Variants in FDFT1 observed in about 807,000 individuals in gnomAD.
FDFT1 encodes squalene synthase.
FDFT1 carries 68 observed loss-of-function variants against 46.8 expected under a neutral mutation model. The observed-to-expected ratio is 1.45, with a 90% CI of 1.19 to 1.78. FDFT1 has a LOEUF of 1.78. Ranked by LOEUF, FDFT1 falls within the 40% of genes most tolerant of loss-of-function variation. FDFT1 has a pLI of 0.00. For missense variants in FDFT1, 928 were observed against 524.4 expected (o/e 1.77, Z -7.52); for synonymous variants, 351 against 185.1 (o/e 1.90, Z -7.28).
chr8:11,838,321 T>G (rs1294418155), intron 7 of FDFT1, 67 bp from the exon 8 acceptor site: 6 of 1,216,380 alleles, frequency 4.9e-6, no homozygotes, highest in South Asian at 2.5e-5. Flanking sequence ...AGTGGAGGGT[T>G]GTTGTAAGTA....
intron 5 of FDFT1, among the ~76,000 whole-genome samples, chr8:11,826,560 T>C (rs1378068167): frequency 6.6e-6 from 1 of 152,190 alleles, no homozygotes; most frequent in Non-Finnish European, 1.5e-5. Context: ...ATGCCTGTAA[T>C]CCCAACAGTT....
At chr8:11,820,954 C>A (rs1023030917) in intron 3 of FDFT1, among the ~76,000 whole-genome samples, 3 of 152,238 alleles carry the variant, frequency 2.0e-5, no homozygotes, top group African/African-American at 7.2e-5. Flanking sequence ...CTGCATCGAT[C>A]TTGCTGGGAG....
chr8:11,805,038 C>T (rs996501661), intron 1 of FDFT1, among the ~76,000 whole-genome samples: 2 of 151,694 alleles, frequency 1.3e-5, no homozygotes, highest in Non-Finnish European at 1.5e-5. Context: ...CTTCCTGATC[C>T]CGAGTAGCTG....
Position 11,818,990 on chromosome 8 carries a change from C to G in FDFT1, c.382-2760C>G, listed in dbSNP as rs944301782. 5.9e-5 allele frequency among the ~76,000 whole-genome samples: 9 copies of G among 152,282 alleles called. 1 individual carries two copies. The Middle Eastern group carries it at 0.01, about 173-fold the overall frequency. ...TGGCATGTTTTTGCAGTGGCTGGTACCAGTTGTTCCTTTCCATTTTTACTG... is the reference window on the plus strand; with the variant it reads ...TGGCATGTTTTTGCAGTGGCTGGTAGCAGTTGTTCCTTTCCATTTTTACTG... On this transcript the variant is annotated intron_variant, in intron 3 of 7. Coordinates refer to ENST00000220584, the MANE Select transcript of FDFT1 (RefSeq NM_004462.5).
chr8:11,831,859 T>A, intron 7 of FDFT1, 189 bp downstream of exon 7: 2 of 570,556 alleles, frequency 3.5e-6, no homozygotes, highest in Non-Finnish European at 6.2e-6. Context: ...TGCTCACTGC[T>A]GTGTAGTACC....
At chr8:11,822,351 G>A (rs1325106733) in intron 4 of FDFT1, among the ~76,000 whole-genome samples, 2 of 152,194 alleles carry the variant, frequency 1.3e-5, no homozygotes, top group East Asian at 1.9e-4. Context: ...GCTTAAATTA[G>A]GATCTCCGAA....
chr8:11,828,642 C>G (rs1156246819), intron 5 of FDFT1, among the ~76,000 whole-genome samples: 1 of 152,258 alleles, frequency 6.6e-6, no homozygotes, highest in East Asian at 1.9e-4. Flanking sequence ...CATTCACTTA[C>G]TTTATCTGTA....
At chr8:11,802,338 G>C (rs948146004), upstream of FDFT1, 2 of 417,426 alleles carry the variant, frequency 4.8e-6, no homozygotes, top group Non-Finnish European at 9.6e-6. Flanking sequence ...TATTGACCAA[G>C]TGGGGAGGAA....
At chr8:11,824,544 C>A (rs1809698778) in intron 4 of FDFT1, among the ~76,000 whole-genome samples, 1 of 152,156 alleles carries the variant, frequency 6.6e-6, no homozygotes, top group Non-Finnish European at 1.5e-5. Flanking sequence ...CCTCCTACTT[C>A]AGCCCCCTGA....
chr8:11,796,290 C>G (rs910857498), intron 1 of FDFT1, among the ~76,000 whole-genome samples: 2 of 152,178 alleles, frequency 1.3e-5, no homozygotes, highest in Non-Finnish European at 2.9e-5. Flanking sequence ...CTTTCTAGGA[C>G]TGATCTGATT....
intron 3 of FDFT1, among the ~76,000 whole-genome samples, chr8:11,816,475 C>T (rs563096524): frequency 5.3e-5 from 8 of 152,294 alleles, no homozygotes; most frequent in African/African-American, 1.4e-4. Flanking sequence ...GCCATTTTCA[C>T]GATACTGATT....
chr8:11,809,589 G>A (rs924738495), intron 2 of FDFT1, 78 bp from the exon 3 acceptor site: 380 of 1,426,338 alleles, frequency 2.7e-4, no homozygotes, highest in Non-Finnish European at 3.4e-4. Context: ...TTAGAAAGTG[G>A]CCAGGCACAA....
chr8:11,833,910 C>CT (rs1165980426), intron 7 of FDFT1, among the ~76,000 whole-genome samples: 1 of 152,210 alleles, frequency 6.6e-6, no homozygotes, highest in African/African-American at 2.4e-5. Context: ...TTAGGGAAAT[C>CT]TTTGAAGATT....
Position 11,808,654 on chromosome 8 carries a change from C to T in FDFT1, c.100-140C>T, listed in dbSNP as rs531576899. ...TGCTGCTTGCCTCCTGCCGCCTGGC[C>T]CTGCAAGGACTGGCCTCGGGGAGAG... On this transcript the variant is annotated intron_variant, in intron 1 of 7. Coordinates refer to ENST00000220584, the MANE Select transcript of FDFT1 (RefSeq NM_004462.5). 5.6e-6 allele frequency: 8 copies of T among 1,431,650 alleles called. No individual in the cohort carries two copies. The East Asian group carries it at 7.9e-5, about 14-fold the overall frequency. The allele number at this position is 1,431,650 out of a possible 1,614,324, so 88.7% of individuals were successfully genotyped here.
At chr8:11,799,475 T>A (rs1251688552), upstream of FDFT1, among the ~76,000 whole-genome samples, 1 of 152,206 alleles carries the variant, frequency 6.6e-6, no homozygotes, top group Non-Finnish European at 1.5e-5. Flanking sequence ...TGGCCTTAGG[T>A]CCTGTTTATA....
At chr8:11,827,155 C>G (rs1177730498) in intron 5 of FDFT1, among the ~76,000 whole-genome samples, 1 of 152,006 alleles carries the variant, frequency 6.6e-6, no homozygotes, top group Non-Finnish European at 1.5e-5. Context: ...AAAGTGTTTC[C>G]TGCAGCCAAG....
intron 7 of FDFT1, among the ~76,000 whole-genome samples, chr8:11,834,578 C>T (rs572808635): frequency 6.6e-6 from 1 of 151,644 alleles, no homozygotes; most frequent in East Asian, 2.1e-4. Flanking sequence ...TTAAGACATC[C>T]AGCCCCCACC....
chr8:11,831,124 T>C (rs1274171171), intron 6 of FDFT1, among the ~76,000 whole-genome samples: 3 of 152,238 alleles, frequency 2.0e-5, no homozygotes, highest in African/African-American at 4.8e-5. Flanking sequence ...TGATTATGTT[T>C]GTTGTAGGAA....
chr8:11,823,515 C>G (rs550953313), intron 4 of FDFT1, among the ~76,000 whole-genome samples: 5 of 152,228 alleles, frequency 3.3e-5, no homozygotes, highest in African/African-American at 1.2e-4. Flanking sequence ...CAAGTGCTTT[C>G]TCTTCACCTG....
Sources: gnomAD v4.1 joint callset for allele counts (sites outside exome capture counted in the v4.1 genomes callset) on GRCh38, gnomAD v4.1.1 for gene constraint, MANE v1.5 for transcripts, NCBI Gene and HGNC (gene_info 2026-07-23, HGNC 2026-07-21) for gene names.